DNAH2: variants seen among roughly 807,000 people sequenced by gnomAD.
DNAH2 encodes dynein axonemal heavy chain 2, also known as axonemal beta dynein heavy chain 2.
A neutral mutation model predicts 523.5 loss-of-function variants in DNAH2; 323 were observed. The ratio of observed to expected loss-of-function variants is 0.62; its 90% CI spans 0.56 to 0.68. DNAH2 has a LOEUF of 0.68. DNAH2 is among the 30% of genes least tolerant of loss of function. The probability of loss-of-function intolerance (pLI) is 0.00; values close to 1 mark genes in which losing one functional copy is unlikely to be tolerated. For missense variants in DNAH2, 4,907 were observed against 5,701.5 expected, an observed-to-expected ratio of 0.86 and a Z score of 4.49; for synonymous variants, 2,093 against 2,177.4, an observed-to-expected ratio of 0.96 and a Z score of 1.08.
chr17:7,776,440 T>C (rs2076455174), intron 31 of DNAH2, among the ~76,000 whole-genome samples: 1 of 152,028 alleles, frequency 6.6e-6, no homozygotes, highest in Non-Finnish European at 1.5e-5. Flanking sequence ...CACTCCAGCC[T>C]GGGTGACAAA....
In DNAH2 at chr17:7,789,270, G is replaced by A. The variant is rs55911533; in HGVS notation, c.6900+1026G>A. 3.7e-3 allele frequency among the ~76,000 whole-genome samples: 565 copies of A among 152,218 alleles called. 2 individuals are homozygous for A. The highest frequency in any genetic ancestry group is 0.013 in the African/African-American group (543 of 41,566). ...ATGGCCCACAGATGTCAAGAAGGACGGGCTGGGTAGGGGAGGCTTCCCGGG... is the reference window on the plus strand; with the variant it reads ...ATGGCCCACAGATGTCAAGAAGGACAGGCTGGGTAGGGGAGGCTTCCCGGG... On this transcript the variant is annotated intron_variant, in intron 44 of 85. Coordinates refer to ENST00000572933, the MANE Select transcript of DNAH2 (RefSeq NM_020877.5).
intron 77 of DNAH2, 33 bp downstream of exon 77, chr17:7,824,760 GC>G: frequency 6.9e-7 from 1 of 1,451,842 alleles, no homozygotes; most frequent in Non-Finnish European, 9.2e-7. Context: ...CATCATCAGG[GC>G]CATCTGGTCC....
Position 7,759,914 on chromosome 17 carries a change from C to G in DNAH2, c.2761C>G (p.Arg921Gly), listed in dbSNP as rs148215103. 2 of 1,614,052 alleles carry G rather than the reference C, an allele frequency of 1.2e-6. No individual in the cohort carries two copies. The highest frequency in any genetic ancestry group is 1.7e-5 in the Admixed American group (1 of 59,996). Residue 921 changes from arginine to glycine, a missense_variant, in exon 17 of 86, where the codon CGT becomes GGT. Physicochemically the swap from Arg to Gly is moderately radical, Grantham distance 125. This residue lies in a region of DNAH2 where 2,806 missense variants were observed against 3,190.8 expected (regional missense o/e 0.88). Coordinates refer to ENST00000572933, the MANE Select transcript of DNAH2 (RefSeq NM_020877.5). ...PDILTKRKLH[R>G]EPIQTVVEQD... ...CATTCTCACCAAGCGCAAGTTACAT[C>G]GTGAACCCATCCAAACAGTTGTGGG...
chr17:7,775,690 C>CAAAA (rs1768945822), intron 30 of DNAH2, among the ~76,000 whole-genome samples: 1 of 78,378 alleles, frequency 1.3e-5, no homozygotes, highest in African/African-American at 5.2e-5. Context: ...CGTCTCAAAA[C>CAAAA]CAAAAAAAAA....
intron 11 of DNAH2, 48 bp from the exon 12 acceptor site, chr17:7,742,880 G>C (rs372738926): frequency 7.9e-7 from 1 of 1,271,336 alleles, no homozygotes. Context: ...GTGGCCCCTG[G>C]AGGAAGGTGG....
Position 7,740,481 on chromosome 17 carries a change from G to T in DNAH2, c.1438G>T (p.Glu480Ter), listed in dbSNP as rs777365387. ...MTQNLITSAF[E>*]LVRDVPHGVL... ...CCAGAACCTGATCACCTCAGCCTTC[G>T]AGTTGGTGCGGGACGTGCCGCACGG... is the stretch of plus-strand genomic sequence containing the variant. Residue 480 changes from glutamate to a stop codon, truncating the protein, a stop_gained, in exon 10 of 86, where the codon GAG (glutamate) becomes TAG (stop). Transcript: ENST00000572933. LOFTEE classifies it high-confidence loss of function. 6 of 1,614,070 alleles carry T rather than the reference G, an allele frequency of 3.7e-6. No homozygotes were observed. In the South Asian group the frequency reaches 6.6e-5, roughly 18 times the overall value.
intron 12 of DNAH2, among the ~76,000 whole-genome samples, chr17:7,749,800 G>C (rs894753968): frequency 6.6e-6 from 1 of 152,146 alleles, no homozygotes; most frequent in South Asian, 2.1e-4. Context: ...TTCGAGACCA[G>C]CCTGGCCAAC....
chr17:7,824,066 C>T lies in DNAH2; in HGVS notation c.11479-55C>T, dbSNP rs1295560286. 3.8e-6 allele frequency: 6 copies of T among 1,574,214 alleles called. No homozygotes were observed. In the East Asian group the frequency reaches 1.1e-4, roughly 29 times the overall value. Reference sequence around the variant, plus strand: ...CTGTTTCAGTCTCCTTCATCTCTCTCTCCCACTTTGGTCATGTGGCCTTCT... The same window carrying T: ...CTGTTTCAGTCTCCTTCATCTCTCTTTCCCACTTTGGTCATGTGGCCTTCT... On this transcript the variant is annotated intron_variant, in intron 75 of 85. Coordinates refer to ENST00000572933, the MANE Select transcript of DNAH2 (RefSeq NM_020877.5).
chr17:7,806,634 G>C (rs1597724291), intron 61 of DNAH2, among the ~76,000 whole-genome samples: 1 of 140,808 alleles, frequency 7.1e-6, no homozygotes, highest in East Asian at 2.2e-4. Flanking sequence ...ACTCCAGCCT[G>C]GGCAACAGAG....
intron 15 of DNAH2, 136 bp from the exon 16 acceptor site, chr17:7,759,286 C>A: frequency 7.0e-7 from 1 of 1,425,106 alleles, no homozygotes; most frequent in South Asian, 1.4e-5. Flanking sequence ...AGTCCTCACA[C>A]CTCTTCCTCC....
In DNAH2 at chr17:7,819,344, C is replaced by T. The variant is rs375407271; in HGVS notation, c.10951C>T (p.Arg3651Cys). Reference protein sequence around the residue: ...LFILSIDKSHRSNKLEDRIDY... With the variant: ...LFILSIDKSHCSNKLEDRIDY... ...TATTCTCAGCATTGACAAAAGCCACCGCAGCAATAAGCTGGAGGACCGCAT... is the reference window on the plus strand; with the variant it reads ...TATTCTCAGCATTGACAAAAGCCACTGCAGCAATAAGCTGGAGGACCGCAT... Residue 3651 changes from arginine to cysteine, a missense_variant, in exon 72 of 86, where the codon CGC (arginine) becomes TGC (cysteine). By Grantham distance (180) the Arg-to-Cys change is radical. This residue lies in a region of DNAH2 where 1,851 missense variants were observed against 2,139.4 expected (regional missense o/e 0.87). Transcript: ENST00000572933. 2.4e-5 allele frequency: 39 copies of T among 1,614,224 alleles called. No homozygotes were observed. The highest frequency in any genetic ancestry group is 2.0e-4 in the South Asian group (18 of 91,090).
At chr17:7,796,682 G>T (rs1026046459) in intron 50 of DNAH2, 30 bp downstream of exon 50, 17 of 1,594,994 alleles carry the variant, frequency 1.1e-5, no homozygotes, top group Non-Finnish European at 1.5e-5. Flanking sequence ...TGCCCCTTCT[G>T]CTTGGCCCAG....
chr17:7,759,019 A>G lies in DNAH2; in HGVS notation c.2343A>G (p.Gln781=), dbSNP rs1896630234. The G allele has an allele frequency of 5.0e-6, 8 of 1,614,180 alleles. No individual in the cohort carries two copies. The highest frequency in any genetic ancestry group is 5.9e-6 in the Non-Finnish European group (7 of 1,180,040). The change falls in exon 15 of 86, where the codon CAA becomes CAG. Residue 781 remains glutamine, a synonymous_variant. Coordinates refer to ENST00000572933, the MANE Select transcript of DNAH2 (RefSeq NM_020877.5). ...GGGACCTGGAATTTGAAGAGGACCAAAGAGAGCATCGGGCAGCTGTACAGC... is the reference window on the plus strand; with the variant it reads ...GGGACCTGGAATTTGAAGAGGACCAGAGAGAGCATCGGGCAGCTGTACAGC... ...VYRDLEFEED[Q]REHRAAVQQK...
rs1340066476 is a variant in DNAH2, at chr17:7,818,944, C to T, written c.10696C>T (p.Leu3566=). The T allele has an allele frequency of 6.2e-7, 1 of 1,612,460 alleles. No individual in the cohort carries two copies. The highest frequency in any genetic ancestry group is 2.2e-5 in the East Asian group (1 of 44,884). ...GCTGCTGAATGAGGCCACCGGCTCC[C>T]TGCTGGATGATGTGCAGCTGGTGAA... The part of the protein sequence containing the change: ...LRLLNEATGS[L]LDDVQLVNTL... The change falls in exon 71 of 86, where the codon CTG becomes TTG. Residue 3566 remains leucine, a synonymous_variant. Transcript: ENST00000572933.
Position 7,817,393 on chromosome 17 carries a change from T to C in DNAH2, c.9998T>C (p.Val3333Ala), listed in dbSNP as rs1209459063. The C allele has an allele frequency of 2.5e-6, 4 of 1,613,870 alleles. No homozygotes were observed. The highest frequency in any genetic ancestry group is 3.4e-6 in the Non-Finnish European group (4 of 1,179,978). ...PFLTNYRDEI[V>A]NQIWIGKIWE... ...CTGACCAACTACCGGGATGAGATTG[T>C]CAACCAAATCTGGATCGGGAAGGTG... Residue 3333 changes from valine (V) to alanine (A), a missense_variant, in exon 65 of 86, where the codon GTC becomes GCC. By Grantham distance (64) the Val-to-Ala change is moderately conservative. Transcript: ENST00000572933.
At chr17:7,822,066 G>A (rs1763997987) in intron 73 of DNAH2, among the ~76,000 whole-genome samples, 1 of 152,170 alleles carries the variant, frequency 6.6e-6, no homozygotes, top group South Asian at 2.1e-4. Flanking sequence ...GACCTCCCAG[G>A]CTCAAGCCAT....
chr17:7,824,055 T>C (rs1462746366), intron 75 of DNAH2, 66 bp from the exon 76 acceptor site: 1 of 1,579,188 alleles, frequency 6.3e-7, no homozygotes, highest in Admixed American at 1.7e-5. Context: ...TTCAGTCTCC[T>C]TCATCTCTCT....
rs1015256129 is a variant in DNAH2, at chr17:7,833,662, C to T, written c.*129C>T. ...TTGGCCGAATTTGTGTGATGTGGCC[C>T]TGGAGATACCTAGTTGTGTTAGCCA... On this transcript the variant is annotated 3_prime_UTR_variant, in exon 86 of 86. Transcript: ENST00000572933. The T allele has an allele frequency of 8.1e-7, 1 of 1,234,888 alleles. No individual in the cohort carries two copies. Among genetic ancestry groups the T allele is most frequent in the Admixed American group, 1.9e-5 (1 of 51,528 alleles). The allele number at this position is 1,234,888 out of a possible 1,614,324, so 76.5% of individuals were successfully genotyped here. A position where few individuals can be genotyped will look rare whatever the true frequency, so the allele number is the denominator to read the frequency against.
At chr17:7,817,752 A>G in intron 66 of DNAH2, 38 bp from the exon 67 acceptor site, 1 of 1,613,980 alleles carries the variant, frequency 6.2e-7, no homozygotes, top group Non-Finnish European at 8.5e-7. Flanking sequence ...GGAGCATGGG[A>G]GAGAGGGCCT....
Sources: gnomAD v4.1 joint callset for allele counts (sites outside exome capture counted in the v4.1 genomes callset) on GRCh38, gnomAD v4.1.1 for gene constraint, gnomAD v4.1.1 regional missense constraint, MANE v1.5 for transcripts, NCBI Gene and HGNC (gene_info 2026-07-23, HGNC 2026-07-21) for gene names.